The following FANCI variants were observed in gnomAD, a reference collection of about 807,000 sequenced individuals.
FANCI encodes the protein FA complementation group I, also known as Fanconi anemia group I protein.
Under a neutral mutation model 176.1 loss-of-function variants are expected in FANCI, and 156 were observed. That is an observed-to-expected ratio of 0.89 (90% CI 0.78 to 1.01). The LOEUF (loss-of-function observed/expected upper bound fraction) is 1.01, where lower values mean the gene tolerates loss of function less well. FANCI is among the 50% of genes least tolerant of loss of function. The probability of loss-of-function intolerance (pLI) is 0.00; values close to 1 mark genes in which losing one functional copy is unlikely to be tolerated. For synonymous variants in FANCI, 613 were observed against 541.7 expected, an observed-to-expected ratio of 1.13 and a Z score of -1.83; for missense variants, 1,678 against 1,534.1, an observed-to-expected ratio of 1.09 and a Z score of -1.57.
chr15:89,290,107 A>G, intron 18 of FANCI, 106 bp from the exon 19 acceptor site: 1 of 940,906 alleles, frequency 1.1e-6, no homozygotes, highest in African/African-American at 1.6e-5. Flanking sequence ...TCTCAATAGG[A>G]AAAAACTGAG....
chr15:89,264,238 A>G (rs945114261), intron 8 of FANCI, among the ~76,000 whole-genome samples: 1 of 152,228 alleles, frequency 6.6e-6, no homozygotes, highest in Admixed American at 6.5e-5. Context: ...CATCCAAGGA[A>G]AACATGCATT....
At chr15:89,271,003 A>G (rs1401590122) in intron 10 of FANCI, among the ~76,000 whole-genome samples, 1 of 152,218 alleles carries the variant, frequency 6.6e-6, no homozygotes, top group African/African-American at 2.4e-5. Context: ...GGTTCGTAGT[A>G]ACTATATTGC....
intron 24 of FANCI, among the ~76,000 whole-genome samples, chr15:89,295,628 T>G (rs991462741): frequency 2.6e-5 from 4 of 152,036 alleles, no homozygotes; most frequent in Non-Finnish European, 4.4e-5. Context: ...ATTGTGCCAT[T>G]GCACTCTAGC....
chr15:89,309,148 C>G (rs2054852457), intron 34 of FANCI, among the ~76,000 whole-genome samples: 2 of 152,162 alleles, frequency 1.3e-5, no homozygotes, highest in African/African-American at 4.8e-5. Context: ...GCTATTACTT[C>G]TGGTCCTCTC....
intron 17 of FANCI, 135 bp downstream of exon 17, chr15:89,283,385 G>A (rs1001923868): frequency 2.1e-5 from 28 of 1,341,638 alleles, no homozygotes; most frequent in Non-Finnish European, 2.6e-5. Context: ...GATGATGATG[G>A]TGCTGATGAT....
chr15:89,295,356 ACT>A (rs2054213971), intron 24 of FANCI, among the ~76,000 whole-genome samples: 3 of 140,158 alleles, frequency 2.1e-5, no homozygotes, highest in Non-Finnish European at 4.6e-5. Flanking sequence ...ACAGGGCAAG[ACT>A]CTCAAAAGAA....
At chr15:89,264,174 A>T (rs1259895700) in intron 8 of FANCI, 148 bp downstream of exon 8, 2 of 922,986 alleles carry the variant, frequency 2.2e-6, no homozygotes, top group South Asian at 2.7e-5. Context: ...AGCCGAACAT[A>T]GATGCTTTCA....
chr15:89,315,671 T>C (rs1420027500), intron 37 of FANCI, among the ~76,000 whole-genome samples: 1 of 152,228 alleles, frequency 6.6e-6, no homozygotes, highest in Non-Finnish European at 1.5e-5. Context: ...TTTAAACTAC[T>C]GGATGATGAC....
At chr15:89,307,806 A>G (rs2054785754) in intron 34 of FANCI, 134 bp downstream of exon 34, 2 of 1,555,688 alleles carry the variant, frequency 1.3e-6, no homozygotes, top group African/African-American at 1.4e-5. Flanking sequence ...GGCACCCATC[A>G]GAGACCAAGC....
Position 89,315,337 on chromosome 15 carries a change from G to T in FANCI, c.3872G>T (p.Gly1291Val). 1 of 1,614,080 alleles carries T rather than the reference G, an allele frequency of 6.2e-7. No homozygotes were observed. The highest frequency in any genetic ancestry group is 1.1e-5 in the South Asian group (1 of 91,078). The change falls in exon 37 of 38, where the codon GGA becomes GTA. Residue 1291 changes from glycine to valine, a missense_variant. By Grantham distance (109) the Gly-to-Val change is moderately radical. Transcript: ENST00000310775. ...ACCTCACGAGACTTCAAGATCAAAG[G>T]AAACATCCTAGACATGGTTCTTCGA... ...LSTSRDFKIK[G>V]NILDMVLRED...
At chr15:89,314,121 A>ACACACACAAAAACGTAGGAC (rs922080441) in intron 35 of FANCI, among the ~76,000 whole-genome samples, 2 of 149,706 alleles carry the variant, frequency 1.3e-5, no homozygotes, top group South Asian at 2.1e-4. Flanking sequence ...GAGGAAAGAC[A>ACACACACAAAAACGTAGGAC]CACACACAAA....
chr15:89,295,109 C>G lies in FANCI; in HGVS notation c.2636+15C>G. 1 of 1,549,854 alleles carries G rather than the reference C, an allele frequency of 6.5e-7. No homozygotes were observed. Among genetic ancestry groups the G allele is most frequent in the Non-Finnish European group, 8.7e-7 (1 of 1,146,558 alleles). On this transcript the variant is annotated intron_variant, in intron 24 of 37. Coordinates refer to ENST00000310775, the MANE Select transcript of FANCI (RefSeq NM_001113378.2). ...GACATAACTCGGTAAGCCACTCCCA[C>G]CCCTTAGAAACTTATTCCACTTGGC...
chr15:89,287,955 A>G (rs1158490010), intron 18 of FANCI, among the ~76,000 whole-genome samples: 1 of 152,238 alleles, frequency 6.6e-6, no homozygotes, highest in Non-Finnish European at 1.5e-5. Flanking sequence ...ACAATAATAA[A>G]GAGAAAGTTT....
chr15:89,294,100 TAAGTC>T, intron 23 of FANCI, 103 bp downstream of exon 23: 1 of 1,313,370 alleles, frequency 7.6e-7, no homozygotes, highest in Non-Finnish European at 1.1e-6. Flanking sequence ...CAGTAAGAAA[TAAGTC>T]AGGAGGTTTT....
At chr15:89,262,113 C>T (rs1293773046) in intron 6 of FANCI, among the ~76,000 whole-genome samples, 1 of 152,130 alleles carries the variant, frequency 6.6e-6, no homozygotes, top group East Asian at 1.9e-4. Context: ...CTTCTTACAG[C>T]AATTTAGTGT....
chr15:89,316,251 A>C (rs757586048), intron 37 of FANCI, 146 bp from the exon 38 acceptor site: 5 of 810,954 alleles, frequency 6.2e-6, no homozygotes, highest in Non-Finnish European at 1.0e-5. Context: ...TCAACAACAT[A>C]ATTACCTCCT....
chr15:89,295,090 A>G lies in FANCI; in HGVS notation c.2632A>G (p.Thr878Ala). 6.4e-7 allele frequency: 1 copy of G among 1,551,416 alleles called. No homozygotes were observed. Residue 878 changes from threonine (T) to alanine (A), a missense_variant, in exon 24 of 38, where the codon ACT (threonine) becomes GCT (alanine). Thr to Ala is a moderately conservative substitution (Grantham distance 58, BLOSUM62 0). This residue lies in a region of FANCI where 1,204 missense variants were observed against 1,077.4 expected (regional missense o/e 1.12). Coordinates refer to ENST00000310775, the MANE Select transcript of FANCI (RefSeq NM_001113378.2). ...GATCTTTCAGAACCTCTGTGACATA[A>G]CTCGGTAAGCCACTCCCACCCCTTA... is the stretch of plus-strand genomic sequence containing the variant. ...EKIFQNLCDI[T>A]RVLLWRYTSI...
Position 89,281,183 on chromosome 15 carries a change from T to G in FANCI, c.1395T>G (p.Asn465Lys). Residue 465 changes from asparagine to lysine, a missense_variant, in exon 15 of 38, where the codon AAT becomes AAG. Asn to Lys is a moderately conservative substitution (Grantham distance 94, BLOSUM62 0). This residue lies in a region of FANCI where 1,204 missense variants were observed against 1,077.4 expected (regional missense o/e 1.12). Transcript: ENST00000310775. ...PISHFLDLLSNIVMYAPLVLQ... is the reference protein window; with the variant it reads ...PISHFLDLLSKIVMYAPLVLQ... ...TCTGTTTTTCAGACCTGCTTTCAAA[T>G]ATCGTCATGTATGCACCCTTAGTTC... 6.2e-7 allele frequency: 1 copy of G among 1,613,764 alleles called. No individual in the cohort carries two copies. The highest frequency in any genetic ancestry group is 8.5e-7 in the Non-Finnish European group (1 of 1,179,752).
At position 89,314,667 on chromosome 15, in the gene FANCI, A is replaced by G; in HGVS notation, c.3776A>G (p.Gln1259Arg). 1 of 1,614,174 alleles carries G rather than the reference A, an allele frequency of 6.2e-7. No homozygotes were observed. Among genetic ancestry groups the G allele is most frequent in the Non-Finnish European group, 8.5e-7 (1 of 1,180,004 alleles). ...CCTAACCTCATCTTTGCCATAGAAC[A>G]GTATGAAAAATTTCTCATCCACCTT... ...PIPNLIFAIE[Q>R]YEKFLIHLSK... Residue 1259 changes from glutamine (Q) to arginine (R), a missense_variant, in exon 36 of 38, where the codon CAG (glutamine) becomes CGG (arginine). Coordinates refer to ENST00000310775, the MANE Select transcript of FANCI (RefSeq NM_001113378.2).
Sources: gnomAD v4.1 joint callset for allele counts (sites outside exome capture counted in the v4.1 genomes callset) on GRCh38, gnomAD v4.1.1 for gene constraint, gnomAD v4.1.1 regional missense constraint, MANE v1.5 for transcripts, NCBI Gene and HGNC (gene_info 2026-07-23, HGNC 2026-07-21) for gene names.